Variants in HDAC4 observed in about 807,000 individuals in gnomAD.
HDAC4 encodes the protein histone deacetylase 4.
Under a neutral mutation model 135.1 loss-of-function variants are expected in HDAC4, and 16 were observed. The observed-to-expected ratio is 0.12, with a 90% confidence interval of 0.08 to 0.18. The LOEUF is 0.18. HDAC4 is among the 10% of genes least tolerant of loss of function. The probability of loss-of-function intolerance (pLI) is 1.00; values close to 1 mark genes in which losing one functional copy is unlikely to be tolerated. For missense variants in HDAC4, 1,143 were observed against 1,511.8 expected (o/e 0.76, Z 4.05); for synonymous variants, 685 against 653.4 (o/e 1.05, Z -0.74).
chr2:239,268,473 A>C (rs1033905426), intron 2 of HDAC4, among the ~76,000 whole-genome samples: 8 of 152,400 alleles, frequency 5.2e-5, no homozygotes, highest in Admixed American at 5.2e-4. Flanking sequence ...GAAAGTAAAC[A>C]AATTTCTCTC....
At chr2:239,223,528 G>A (rs1210119706) in intron 3 of HDAC4, among the ~76,000 whole-genome samples, 1 of 152,158 alleles carries the variant, frequency 6.6e-6, no homozygotes, top group Non-Finnish European at 1.5e-5. Context: ...AGTGACTTAC[G>A]CCTCCCAGCC....
intron 7 of HDAC4, among the ~76,000 whole-genome samples, chr2:239,147,295 GC>G (rs1234867220): frequency 9.2e-5 from 14 of 152,246 alleles, no homozygotes; most frequent in African/African-American, 2.9e-4. Flanking sequence ...AGGGTGGCCA[GC>G]CTTCCTGCTT....
At chr2:239,189,699 A>ACGC (rs1037648328) in intron 4 of HDAC4, 134 bp downstream of exon 4, 1 of 815,732 alleles carries the variant, frequency 1.2e-6, no homozygotes, top group African/African-American at 1.7e-5. Context: ...TACCGTCCCA[A>ACGC]CGCAGAAGGC....
chr2:239,171,299 T>C (rs373874752), intron 5 of HDAC4, among the ~76,000 whole-genome samples: 3 of 151,796 alleles, frequency 2.0e-5, no homozygotes, highest in Non-Finnish European at 4.4e-5. Context: ...AGAAAGTCTA[T>C]GGAAAACTAT....
intron 7 of HDAC4, among the ~76,000 whole-genome samples, chr2:239,145,506 G>C (rs2041698281): frequency 6.6e-6 from 1 of 152,222 alleles, no homozygotes; most frequent in African/African-American, 2.4e-5. Context: ...GGCCCGCCTT[G>C]GGAAGCACTA....
chr2:239,286,538 GGGAA>G (rs1464179804), intron 2 of HDAC4, among the ~76,000 whole-genome samples: 2 of 151,928 alleles, frequency 1.3e-5, no homozygotes, highest in African/African-American at 2.4e-5. Context: ...AGGGAAGGAA[GGGAA>G]GGAAGGAAGA....
In HDAC4 at chr2:239,303,340, C is replaced by A. The variant is rs988506566; in HGVS notation, c.22+49338G>T. ...CGGATTGACTTGTCCTCCTCTGATG[C>A]CTGGTTCCTCTGCCATCAAGACCCG... On this transcript the variant is annotated intron_variant, in intron 2 of 26. Transcript: ENST00000543185. The surrounding 1 kb of genome is among the most constrained non-coding windows in gnomAD (Gnocchi z 5.1). Among the ~76,000 whole-genome samples, 1 of 152,242 alleles carries A rather than the reference C, an allele frequency of 6.6e-6. No homozygotes were observed. Among genetic ancestry groups the A allele is most frequent in the Non-Finnish European group, 1.5e-5 (1 of 68,046 alleles).
At chr2:239,324,189 G>C (rs1335300669) in intron 2 of HDAC4, among the ~76,000 whole-genome samples, 1 of 152,180 alleles carries the variant, frequency 6.6e-6, no homozygotes, top group East Asian at 1.9e-4. Flanking sequence ...TAGAGTACTT[G>C]GACAATCCTG....
chr2:239,163,632 C>G (rs2042954422), intron 6 of HDAC4, among the ~76,000 whole-genome samples, 171 bp downstream of exon 6: 1 of 152,176 alleles, frequency 6.6e-6, no homozygotes, highest in Admixed American at 6.5e-5. Context: ...CACGAGTGTA[C>G]CCCCAGAACA....
At chr2:239,327,051 AACCCTG>A (rs905607996) in intron 2 of HDAC4, among the ~76,000 whole-genome samples, 2 of 152,378 alleles carry the variant, frequency 1.3e-5, no homozygotes, top group Admixed American at 1.3e-4. Flanking sequence ...TCTGGAAAAA[AACCCTG>A]ACTAGGATGA....
chr2:239,369,303 G>C (rs1283499877), intron 1 of HDAC4, among the ~76,000 whole-genome samples: 1 of 152,160 alleles, frequency 6.6e-6, no homozygotes, highest in Admixed American at 6.5e-5. Context: ...TGGACCAAGA[G>C]CATGTCTACG....
intron 5 of HDAC4, among the ~76,000 whole-genome samples, chr2:239,175,314 C>G (rs2043689357): frequency 6.6e-6 from 1 of 152,224 alleles, no homozygotes; most frequent in Non-Finnish European, 1.5e-5. Flanking sequence ...GCTGACTCAG[C>G]CCCACGGTGG....
chr2:239,208,445 T>TA (rs1179198879), intron 3 of HDAC4, among the ~76,000 whole-genome samples: 9 of 152,058 alleles, frequency 5.9e-5, no homozygotes, highest in Non-Finnish European at 8.8e-5. Context: ...AAGTATATGT[T>TA]AAAATCCAGC....
intron 17 of HDAC4, among the ~76,000 whole-genome samples, chr2:239,090,338 A>T (rs768151785): frequency 1.6e-4 from 25 of 152,068 alleles, no homozygotes; most frequent in Non-Finnish European, 5.9e-5. Flanking sequence ...AGAAAGATGC[A>T]TGTGTCCTGA....
chr2:239,243,050 G>A (rs1480022466), intron 2 of HDAC4, among the ~76,000 whole-genome samples: 7 of 151,586 alleles, frequency 4.6e-5, no homozygotes, highest in East Asian at 3.9e-4. Flanking sequence ...TCTTTTCCAC[G>A]CTTGATTCTG....
chr2:239,270,008 CA>C (rs1396294029), intron 2 of HDAC4, among the ~76,000 whole-genome samples: 2 of 152,108 alleles, frequency 1.3e-5, no homozygotes, highest in Non-Finnish European at 2.9e-5. Context: ...TGTCCTTACA[CA>C]AAACACAACA....
At chr2:239,156,175 A>G (rs2042411475) in intron 7 of HDAC4, among the ~76,000 whole-genome samples, 1 of 152,238 alleles carries the variant, frequency 6.6e-6, no homozygotes, top group African/African-American at 2.4e-5. Flanking sequence ...TATCCCCTGC[A>G]GGACATAGCG....
At chr2:239,135,371 C>G (rs1276725189) in intron 9 of HDAC4, among the ~76,000 whole-genome samples, 1 of 152,176 alleles carries the variant, frequency 6.6e-6, no homozygotes, top group Non-Finnish European at 1.5e-5. Flanking sequence ...AATCAAACAA[C>G]TAACAGTGAG....
intron 2 of HDAC4, among the ~76,000 whole-genome samples, chr2:239,350,483 T>C (rs552291984): frequency 1.3e-5 from 2 of 152,188 alleles, no homozygotes; most frequent in East Asian, 3.9e-4. Flanking sequence ...TCCTCCTATA[T>C]ATAAATAAAA....
Sources: gnomAD v4.1 joint callset for allele counts (sites outside exome capture counted in the v4.1 genomes callset) on GRCh38, gnomAD v4.1.1 for gene constraint, Gnocchi (gnomAD v3.1) non-coding constraint, MANE v1.5 for transcripts, NCBI Gene and HGNC (gene_info 2026-07-23, HGNC 2026-07-21) for gene names.